Variants in CFTR observed in about 807,000 individuals in gnomAD.
CFTR encodes the protein CF transmembrane conductance regulator.
In CFTR, 181 loss-of-function variants were observed where a neutral mutation model predicts 171.6. That is an observed-to-expected ratio of 1.05 (90% confidence interval 0.93 to 1.19). CFTR has a LOEUF of 1.19. Ranked by LOEUF, CFTR falls within the 50% of genes most tolerant of loss-of-function variation. CFTR has a pLI of 0.00. For missense variants in CFTR, 1,968 were observed against 1,734.7 expected (o/e 1.13, Z -2.39); for synonymous variants, 583 against 608.0 (o/e 0.96, Z 0.60).
At chr7:117,539,986 T>G in intron 7 of CFTR, 114 bp from the exon 8 acceptor site, 1 of 898,342 alleles carries the variant, frequency 1.1e-6, no homozygotes, top group Non-Finnish European at 1.7e-6. Context: ...GGAGCCAGGT[T>G]AAAAATATAG....
At chr7:117,532,414 C>T (rs1584785710) in intron 4 of CFTR, among the ~76,000 whole-genome samples, 1 of 152,132 alleles carries the variant, frequency 6.6e-6, no homozygotes, top group East Asian at 1.9e-4. Flanking sequence ...GTACTATTAT[C>T]CCTATCTTAT....
intron 21 of CFTR, among the ~76,000 whole-genome samples, chr7:117,615,434 T>C (rs935441638): frequency 5.3e-5 from 8 of 152,042 alleles, no homozygotes; most frequent in South Asian, 2.1e-4. Flanking sequence ...GATTAAGAAC[T>C]CCTTCCTTAT....
At chr7:117,556,456 AT>A (rs949325333) in intron 10 of CFTR, among the ~76,000 whole-genome samples, 6 of 136,956 alleles carry the variant, frequency 4.4e-5, no homozygotes, top group Non-Finnish European at 8.0e-5. Context: ...CCTGTTTTGA[AT>A]TTTTTTTCCA....
chr7:117,612,240 C>T (rs1366532319), intron 20 of CFTR, among the ~76,000 whole-genome samples: 1 of 149,634 alleles, frequency 6.7e-6, no homozygotes, highest in Non-Finnish European at 1.5e-5. Flanking sequence ...CATTTACACA[C>T]ACACACACAC....
intron 11 of CFTR, among the ~76,000 whole-genome samples, chr7:117,576,130 A>G (rs1233370602): frequency 6.6e-6 from 1 of 152,110 alleles, no homozygotes; most frequent in Non-Finnish European, 1.5e-5. Flanking sequence ...TTGTCCCAAG[A>G]TAATTTTTTA....
chr7:117,517,611 A>C (rs548219030), intron 3 of CFTR, among the ~76,000 whole-genome samples: 1 of 152,306 alleles, frequency 6.6e-6, no homozygotes, highest in African/African-American at 2.4e-5. Flanking sequence ...TTCTGGTTCT[A>C]GATTCTTGAG....
At chr7:117,570,474 T>C (rs1167004343) in intron 11 of CFTR, among the ~76,000 whole-genome samples, 1 of 152,170 alleles carries the variant, frequency 6.6e-6, no homozygotes, top group Non-Finnish European at 1.5e-5. Flanking sequence ...AATTTTCATC[T>C]ATTGTCAATA....
At chr7:117,494,770 CA>C (rs1798212766) in intron 1 of CFTR, among the ~76,000 whole-genome samples, 1 of 152,094 alleles carries the variant, frequency 6.6e-6, no homozygotes, top group African/African-American at 2.4e-5. Context: ...AAAGTTAAAT[CA>C]ATATATCATG....
intron 26 of CFTR, among the ~76,000 whole-genome samples, 196 bp downstream of exon 26, chr7:117,665,760 T>C (rs1793365502): frequency 6.6e-6 from 1 of 152,228 alleles, no homozygotes; most frequent in South Asian, 2.1e-4. Context: ...GAGGTTGAAA[T>C]ATAGTAAATC....
At chr7:117,544,624 G>A (rs73215914) in intron 9 of CFTR, among the ~76,000 whole-genome samples, 2 of 152,304 alleles carry the variant, frequency 1.3e-5, no homozygotes, top group Non-Finnish European at 2.9e-5. Context: ...CAGGGGACCA[G>A]CAATTATTCT....
intron 9 of CFTR, among the ~76,000 whole-genome samples, chr7:117,545,500 G>A (rs567925055): frequency 2.1e-4 from 32 of 152,142 alleles, no homozygotes; most frequent in Non-Finnish European, 3.8e-4. Flanking sequence ...AATTTCCTGC[G>A]TGTACCTCAA....
At chr7:117,530,828 G>T in intron 3 of CFTR, 71 bp from the exon 4 acceptor site, 1 of 1,015,958 alleles carries the variant, frequency 9.8e-7, no homozygotes, top group South Asian at 1.3e-5. Flanking sequence ...GAAAAGTCTT[G>T]TGTTGAAATT....
At chr7:117,584,131 C>A (rs908472062) in intron 11 of CFTR, among the ~76,000 whole-genome samples, 1 of 151,972 alleles carries the variant, frequency 6.6e-6, no homozygotes, top group Non-Finnish European at 1.5e-5. Flanking sequence ...TGTCTGTTTA[C>A]CATGCTAATT....
At chr7:117,573,650 T>C (rs1483123676) in intron 11 of CFTR, among the ~76,000 whole-genome samples, 1 of 152,094 alleles carries the variant, frequency 6.6e-6, no homozygotes, top group Non-Finnish European at 1.5e-5. Context: ...ATCCAAACAA[T>C]TTGACTTTTT....
At chr7:117,537,259 G>A (rs1417089362) in intron 7 of CFTR, among the ~76,000 whole-genome samples, 1 of 152,164 alleles carries the variant, frequency 6.6e-6, no homozygotes, top group Non-Finnish European at 1.5e-5. Flanking sequence ...CCTATCTCTA[G>A]TGTTCTTTCA....
intron 11 of CFTR, among the ~76,000 whole-genome samples, chr7:117,571,910 G>C (rs1791694935): frequency 6.6e-6 from 1 of 152,192 alleles, no homozygotes; most frequent in Non-Finnish European, 1.5e-5. Flanking sequence ...ACTTTTTGTT[G>C]GGTGTAGTAA....
intron 1 of CFTR, among the ~76,000 whole-genome samples, chr7:117,497,683 T>G (rs1562880802): frequency 6.6e-6 from 1 of 152,130 alleles, no homozygotes; most frequent in Non-Finnish European, 1.5e-5. Context: ...AAATATTACC[T>G]TGTTGAGAAA....
chr7:117,536,203 T>C, intron 6 of CFTR, among the ~76,000 whole-genome samples: 1 of 152,194 alleles, frequency 6.6e-6, no homozygotes, highest in East Asian at 1.9e-4. Flanking sequence ...AATAGCACTT[T>C]GTTTGAATCC....
intron 7 of CFTR, 128 bp from the exon 8 acceptor site, chr7:117,539,972 A>G (rs1799020364): frequency 9.5e-6 from 7 of 738,522 alleles, no homozygotes; most frequent in Middle Eastern, 7.3e-4. Flanking sequence ...AGGTCATATG[A>G]TGTGGAGCCA....
Sources: gnomAD v4.1 joint callset for allele counts (sites outside exome capture counted in the v4.1 genomes callset) on GRCh38, gnomAD v4.1.1 for gene constraint, MANE v1.5 for transcripts, NCBI Gene and HGNC (gene_info 2026-07-23, HGNC 2026-07-21) for gene names.